The following ARHGAP39 variants were observed in gnomAD, a reference collection of about 807,000 sequenced individuals.
ARHGAP39 encodes the protein Rho GTPase activating protein 39.
ARHGAP39 carries 44 observed loss-of-function variants against 106.9 expected under a neutral mutation model. The observed-to-expected ratio is 0.41, with a 90% CI of 0.32 to 0.53. The LOEUF (loss-of-function observed/expected upper bound fraction) is 0.53. ARHGAP39 is among the 20% of genes least tolerant of loss of function. The probability of loss-of-function intolerance (pLI) is 0.21; values close to 1 mark genes in which losing one functional copy is unlikely to be tolerated. For synonymous variants in ARHGAP39, 768 were observed against 693.2 expected (o/e 1.11, Z -1.69); for missense variants, 1,496 against 1,577.3 (o/e 0.95, Z 0.87).
the ARHGAP39 span, among the ~76,000 whole-genome samples, chr8:144,694,298 G>A: frequency 3.9e-5 from 6 of 152,126 alleles, no homozygotes; most frequent in African/African-American, 1.2e-4. Flanking sequence ...TGTAGGTGGC[G>A]GGGAGTGGGG....
chr8:144,658,710 C>T (rs1821755253), intron 1 of ARHGAP39, among the ~76,000 whole-genome samples: 1 of 152,102 alleles, frequency 6.6e-6, no homozygotes, highest in African/African-American at 2.4e-5. Context: ...CTGCTTTCCC[C>T]TCACTACTCT....
In ARHGAP39 at chr8:144,547,210, C is replaced by G. The variant is rs746562852; in HGVS notation, c.1876G>C (p.Gly626Arg). Residue 626 changes from glycine (G) to arginine (R), a missense_variant, in exon 5 of 12, where the codon GGC becomes CGC. Transcript: ENST00000377307. This position sits in a 1 kb window ranked among gnomAD's most constrained non-coding sequence, Gnocchi z 5.2. Reference protein sequence around the residue: ...HWRRGTFEKLGFPQILLEKSV... With the variant: ...HWRRGTFEKLRFPQILLEKSV... The stretch of plus-strand genomic sequence containing the variant: ...TTCTCCAGCAGGATCTGGGGGAAGC[C>G]TAGCTTCTCGAAGGTGCCCCTCCTC... The G allele has an allele frequency of 6.2e-7, 1 of 1,612,492 alleles. No homozygotes were observed. The highest frequency in any genetic ancestry group is 8.5e-7 in the Non-Finnish European group (1 of 1,179,752).
chr8:144,683,514 T>C (rs1188934106), intron 1 of ARHGAP39: 1 of 150,782 alleles, frequency 6.6e-6, no homozygotes, highest in Non-Finnish European at 1.5e-5. Context: ...ACCCAGCTAA[T>C]TTTTGTATTT....
In ARHGAP39 at chr8:144,547,881, T is replaced by C. The variant is rs1180772327; in HGVS notation, c.1205A>G (p.Glu402Gly). 2.5e-6 allele frequency: 4 copies of C among 1,584,842 alleles called. No homozygotes were observed. Among genetic ancestry groups the C allele is most frequent in the Non-Finnish European group, 2.6e-6 (3 of 1,166,326 alleles). Residue 402 changes from glutamate to glycine, a missense_variant, in exon 5 of 12, where the codon GAG becomes GGG. By Grantham distance (98) the Glu-to-Gly change is moderately conservative (BLOSUM62 -2). This residue lies in a region of ARHGAP39 where 905 missense variants were observed against 816.4 expected (regional missense o/e 1.11). Coordinates refer to ENST00000377307, the MANE Select transcript of ARHGAP39 (RefSeq NM_025251.3). This position sits in a 1 kb window ranked among gnomAD's most constrained non-coding sequence, Gnocchi z 5.2. ...CAGCTTGGGGCTGGAGCCCGCCTGC[T>C]CCACGTAGACCAGCTGCCGCACGTA... Reference protein sequence around the residue: ...KEYVRQLVYVEQAGSSPKLRA... With the variant: ...KEYVRQLVYVGQAGSSPKLRA...
intron 4 of ARHGAP39, among the ~76,000 whole-genome samples, chr8:144,554,223 C>T (rs1423448242): frequency 1.3e-5 from 2 of 152,174 alleles, no homozygotes; most frequent in Non-Finnish European, 2.9e-5. Context: ...GGGCCAGAGG[C>T]GGCTCCATGG....
At chr8:144,669,523 A>AG (rs1011217586) in intron 1 of ARHGAP39, among the ~76,000 whole-genome samples, 1 of 150,430 alleles carries the variant, frequency 6.6e-6, no homozygotes, top group African/African-American at 2.4e-5. Context: ...AAAAAAAAAA[A>AG]AAAAGATAAA....
intron 3 of ARHGAP39, among the ~76,000 whole-genome samples, chr8:144,567,950 C>T (rs1016770076): frequency 2.6e-5 from 4 of 152,126 alleles, no homozygotes; most frequent in African/African-American, 7.2e-5. Flanking sequence ...GGTAGTGGTC[C>T]CCTGGGCCCA....
Position 144,530,720 on chromosome 8 carries a change from G to A in ARHGAP39, c.3132C>T (p.Tyr1044=), listed in dbSNP as rs1437781605. ...LPRINRMVLC[Y]LIRFLQVFVQ... is the part of the protein sequence containing the mutation. ...GAAGTACCTGCAGGAAGCGGATGAGGTAGCACAGCACCATGCGGTTGATGC... is the reference window on the plus strand; with the variant it reads ...GAAGTACCTGCAGGAAGCGGATGAGATAGCACAGCACCATGCGGTTGATGC... Residue 1044 remains tyrosine (Y), a synonymous_variant, in exon 11 of 12, where the codon TAC becomes TAT. Transcript: ENST00000377307. The A allele has an allele frequency of 7.5e-6, 12 of 1,606,496 alleles. No individual in the cohort carries two copies. The highest frequency in any genetic ancestry group is 2.2e-5 in the East Asian group (1 of 44,504).
At chr8:144,685,993 C>T (rs1822581247), upstream of ARHGAP39, among the ~76,000 whole-genome samples, 2 of 151,436 alleles carry the variant, frequency 1.3e-5, no homozygotes, top group Admixed American at 1.3e-4. Flanking sequence ...AGCCGGAGTC[C>T]CGCGGAGGGC....
intron 4 of ARHGAP39, among the ~76,000 whole-genome samples, chr8:144,549,143 A>G (rs1817600001): frequency 6.6e-6 from 1 of 152,216 alleles, no homozygotes. Context: ...CCACTCACTC[A>G]TCCGCAACGA....
At position 144,671,320 on chromosome 8, in the gene ARHGAP39, G is replaced by T. The variant is rs1407109169; in HGVS notation, c.-82+14366C>A. 6.6e-6 allele frequency among the ~76,000 whole-genome samples: 1 copy of T among 152,216 alleles called. No homozygotes were observed. The highest frequency in any genetic ancestry group is 1.5e-5 in the Non-Finnish European group (1 of 68,032). On this transcript the variant is annotated intron_variant, in intron 1 of 11. Coordinates refer to ENST00000377307, the MANE Select transcript of ARHGAP39 (RefSeq NM_025251.3). This position sits in a 1 kb window ranked among gnomAD's most constrained non-coding sequence, Gnocchi z 4.5. ...GGTCAAGGGTGGATAATAACTTCAC[G>T]TAAGTTCTGATGTTTTCCGCAAAAG...
In ARHGAP39 at chr8:144,540,067, G is replaced by C. The variant is rs115417971; in HGVS notation, c.2522-2254C>G. Among the ~76,000 whole-genome samples, 622 of 152,312 alleles carry C rather than the reference G, an allele frequency of 4.1e-3. 5 individuals carry two copies. Among genetic ancestry groups the C allele is most frequent in the African/African-American group, 0.015 (606 of 41,562 alleles). ...ACTGCTTTACTTTCAGCAATGGTTT[G>C]CAGTTTTTACTGTACAGGTCTTACA... On this transcript the variant is annotated intron_variant, in intron 6 of 11. Transcript: ENST00000377307.
At chr8:144,605,412 C>G (rs1470097833) in intron 2 of ARHGAP39, 123 bp downstream of exon 2, 17 of 1,048,756 alleles carry the variant, frequency 1.6e-5, no homozygotes, top group Non-Finnish European at 2.4e-5. Flanking sequence ...GCCTTGGGAA[C>G]AGCCAGCGAC....
intron 1 of ARHGAP39, among the ~76,000 whole-genome samples, chr8:144,675,093 C>T (rs1344025906): frequency 6.6e-6 from 1 of 152,190 alleles, no homozygotes; most frequent in Non-Finnish European, 1.5e-5. Flanking sequence ...GGGTGCAGCT[C>T]CTGCCTGTTC....
intron 1 of ARHGAP39, among the ~76,000 whole-genome samples, chr8:144,624,066 C>G (rs1820875617): frequency 6.6e-6 from 1 of 152,180 alleles, no homozygotes; most frequent in African/African-American, 2.4e-5. Context: ...CTCCACCCAT[C>G]AGAAAGAGCC....
chr8:144,546,009 G>A (rs770019796), intron 5 of ARHGAP39, among the ~76,000 whole-genome samples, 199 bp from the exon 6 acceptor site: 5 of 152,314 alleles, frequency 3.3e-5, no homozygotes, highest in Admixed American at 2.0e-4. Context: ...CAGCTGGGAC[G>A]CCGGAGCCCT....
At chr8:144,549,468 C>G (rs1203772866) in intron 4 of ARHGAP39, among the ~76,000 whole-genome samples, 1 of 152,230 alleles carries the variant, frequency 6.6e-6, no homozygotes, top group Non-Finnish European at 1.5e-5. Flanking sequence ...AATCTAATTG[C>G]AGTCTTTCTT....
intron 1 of ARHGAP39, among the ~76,000 whole-genome samples, chr8:144,666,679 G>A (rs1198333191): frequency 6.6e-6 from 1 of 152,082 alleles, no homozygotes; most frequent in Admixed American, 6.6e-5. Flanking sequence ...TGATTCTGAG[G>A]GCTCCCCAGC....
At chr8:144,619,012 G>C (rs1820713042) in intron 1 of ARHGAP39, among the ~76,000 whole-genome samples, 1 of 152,218 alleles carries the variant, frequency 6.6e-6, no homozygotes, top group African/African-American at 2.4e-5. Flanking sequence ...TAGCAGTCAA[G>C]GCCACAGCCC....
Sources: gnomAD v4.1 joint callset for allele counts (sites outside exome capture counted in the v4.1 genomes callset) on GRCh38, gnomAD v4.1.1 for gene constraint, gnomAD v4.1.1 regional missense constraint, Gnocchi (gnomAD v3.1) non-coding constraint, MANE v1.5 for transcripts, NCBI Gene and HGNC (gene_info 2026-07-23, HGNC 2026-07-21) for gene names.